Variants in HERC2 observed in about 807,000 individuals in gnomAD.
HERC2 encodes E3 ubiquitin-protein ligase HERC2.
In HERC2, 102 loss-of-function variants were observed where a neutral mutation model predicts 537.7. That is an observed-to-expected ratio of 0.19 (90% CI 0.16 to 0.22). The LOEUF (loss-of-function observed/expected upper bound fraction) is 0.22, where lower values mean the gene tolerates loss of function less well. Among genes scored for constraint, HERC2 ranks in the 10% least tolerant of loss-of-function variants. The pLI is 1.00. For missense variants in HERC2, 4,236 were observed against 6,198.2 expected, an observed-to-expected ratio of 0.68 and a Z score of 10.63; for synonymous variants, 2,224 against 2,466.2, an observed-to-expected ratio of 0.90 and a Z score of 2.91.
Position 28,122,596 on chromosome 15 carries a change from A to G in HERC2, c.13189-1167T>C, listed in dbSNP as rs1212688457. On this transcript the variant is annotated intron_variant, in intron 85 of 92. Transcript: ENST00000261609. This position sits in a 1 kb window ranked among gnomAD's most constrained non-coding sequence, Gnocchi z 4.1. ...CTCAGGGCGGCTCCCCCTCCACAGG[A>G]GCACTCCCCTCTCCTCCCAGTCACC... Among the ~76,000 whole-genome samples the G allele has an allele frequency of 6.6e-6, 1 of 151,994 alleles. No individual in the cohort carries two copies. The highest frequency in any genetic ancestry group is 1.5e-5 in the Non-Finnish European group (1 of 67,968).
chr15:28,167,486 G>C (rs1450488879), intron 68 of HERC2, among the ~76,000 whole-genome samples: 2 of 152,162 alleles, frequency 1.3e-5, no homozygotes, highest in African/African-American at 4.8e-5. Context: ...TGATACTCAA[G>C]GAATACACGT....
chr15:28,243,398 C>T (rs1008963994), intron 23 of HERC2, among the ~76,000 whole-genome samples: 81 of 152,232 alleles, frequency 5.3e-4, no homozygotes, highest in African/African-American at 1.6e-3. Context: ...CTGGATTTCA[C>T]GAATATTACT....
rs570911350 is a variant in HERC2 at position 28,157,584 on chromosome 15, G to A, written c.10747-4754C>T. Among the ~76,000 whole-genome samples the A allele has an allele frequency of 6.6e-5, 10 of 152,252 alleles. No homozygotes were observed. The South Asian group carries it at 1.9e-3, about 28-fold the overall frequency. On this transcript the variant is annotated intron_variant, in intron 69 of 92. Transcript: ENST00000261609. ...TAGTTTGTACTTCTATGGAATCAGT[G>A]GTGATATCCCCTTTATCATTTTTTA...
At chr15:28,253,179 A>ACTGC (rs60188219) in intron 20 of HERC2, among the ~76,000 whole-genome samples, 3 of 151,944 alleles carry the variant, frequency 2.0e-5, no homozygotes, top group Non-Finnish European at 4.4e-5. Flanking sequence ...TTTACACAAC[A>ACTGC]CTGACCGTTT....
At chr15:28,206,822 G>C (rs1439901105) in intron 44 of HERC2, among the ~76,000 whole-genome samples, 1 of 100,538 alleles carries the variant, frequency 9.9e-6, no homozygotes, top group African/African-American at 3.9e-5. Context: ...GACAGACCAA[G>C]ACTCGGTCTC....
chr15:28,154,445 TC>T (rs530542657), intron 69 of HERC2, among the ~76,000 whole-genome samples: 29 of 152,312 alleles, frequency 1.9e-4, no homozygotes, highest in African/African-American at 6.5e-4. Context: ...GTATCCTTAT[TC>T]TTGTCTCTCC....
At chr15:28,249,885 G>A (rs542765377) in intron 20 of HERC2, among the ~76,000 whole-genome samples, 32 of 148,554 alleles carry the variant, frequency 2.2e-4, no homozygotes, top group African/African-American at 3.2e-4. Flanking sequence ...TCGATTTCCC[G>A]ACCTCGTGAT....
rs754408388 is a variant in HERC2 at position 28,213,992 on chromosome 15, G to A, written c.6556-20C>T. 3.7e-6 allele frequency: 6 copies of A among 1,610,776 alleles called. No homozygotes were observed. The highest frequency in any genetic ancestry group is 1.7e-5 in the Admixed American group (1 of 59,990). On this transcript the variant is annotated intron_variant, in intron 41 of 92. Transcript: ENST00000261609. Reference sequence around the variant, plus strand: ...CTGGGCCTAGTGCAGACCAAACAGCGAGCTCGACAGAGACACTCACGGAGC... The same window carrying A: ...CTGGGCCTAGTGCAGACCAAACAGCAAGCTCGACAGAGACACTCACGGAGC...
At position 28,186,770 on chromosome 15, in the gene HERC2, G is replaced by C. The variant is rs757052254; in HGVS notation, c.8650-18C>G. The C allele has an allele frequency of 9.4e-6, 15 of 1,592,064 alleles. No individual in the cohort carries two copies. Among genetic ancestry groups the C allele is most frequent in the Admixed American group, 3.3e-5 (2 of 59,946 alleles). ...CTGTGATACTAGACACAAAAACCAT[G>C]ATCTATAGACTCTGTAGAATCAAGC... On this transcript the variant is annotated intron_variant, in intron 55 of 92. Coordinates refer to ENST00000261609, the MANE Select transcript of HERC2 (RefSeq NM_004667.6).
At position 28,132,175 on chromosome 15, in the gene HERC2, A is replaced by T. The variant is rs576159283; in HGVS notation, c.12495T>A (p.Thr4165=). ...AQTLCLTDDD[T]VWSWGDGDYG... ...AGTCCCCGTCCCCCCAGGACCAGAC[A>T]GTGTCGTCATCTGTGAGGCAGAGGG... Residue 4165 remains threonine, a synonymous_variant, in exon 81 of 93, where the codon ACT becomes ACA. Transcript: ENST00000261609. 4 of 1,614,026 alleles carry T rather than the reference A, an allele frequency of 2.5e-6. No individual in the cohort carries two copies. In the South Asian group the frequency reaches 4.4e-5, roughly 18 times the overall value.
chr15:28,283,057 A>C (rs1475465692), intron 4 of HERC2, among the ~76,000 whole-genome samples: 2 of 143,872 alleles, frequency 1.4e-5, no homozygotes, highest in African/African-American at 5.6e-5. Flanking sequence ...AAAAAAAAAA[A>C]AACCAGTCTT....
intron 26 of HERC2, among the ~76,000 whole-genome samples, chr15:28,236,342 G>A (rs1440031682): frequency 1.3e-5 from 2 of 152,100 alleles, no homozygotes; most frequent in Non-Finnish European, 2.9e-5. Flanking sequence ...CAAGGCTGGA[G>A]TGCAGTGGCG....
intron 23 of HERC2, among the ~76,000 whole-genome samples, chr15:28,243,794 C>A (rs1053096622): frequency 2.0e-5 from 3 of 152,154 alleles, no homozygotes; most frequent in African/African-American, 7.2e-5. Flanking sequence ...AGTAGCAGCA[C>A]AATCACCGTG....
intron 65 of HERC2, among the ~76,000 whole-genome samples, chr15:28,172,451 A>G (rs934707917): frequency 6.6e-6 from 1 of 152,226 alleles, no homozygotes; most frequent in African/African-American, 2.4e-5. Context: ...AACAGTACTG[A>G]GAGTCCAGAA....
intron 89 of HERC2, 107 bp from the exon 90 acceptor site, chr15:28,114,909 A>G: frequency 1.1e-6 from 1 of 886,358 alleles, no homozygotes; most frequent in Non-Finnish European, 1.8e-6. Flanking sequence ...GGTCAGCCTC[A>G]AGTGCATCTC....
At chr15:28,154,832 T>C (rs1892821140) in intron 69 of HERC2, among the ~76,000 whole-genome samples, 1 of 152,136 alleles carries the variant, frequency 6.6e-6, no homozygotes, top group Non-Finnish European at 1.5e-5. Context: ...TTGTTACATA[T>C]GTACACATGT....
At chr15:28,287,602 C>A (rs967486527) in intron 4 of HERC2, among the ~76,000 whole-genome samples, 2 of 152,098 alleles carry the variant, frequency 1.3e-5, no homozygotes, top group Admixed American at 1.3e-4. Flanking sequence ...TTGTGCCAGG[C>A]ACTGACTTAG....
rs545465333 is a variant in HERC2 at position 28,130,513 on chromosome 15, C to T, written c.12652G>A (p.Val4218Ile). The change falls in exon 82 of 93, where the codon GTT becomes ATT. Residue 4218 changes from valine (V) to isoleucine (I), a missense_variant. Physicochemically the swap from Val to Ile is conservative, Grantham distance 29 (BLOSUM62 3). Coordinates refer to ENST00000261609, the MANE Select transcript of HERC2 (RefSeq NM_004667.6). Reference sequence around the variant, plus strand: ...CAGAATCTTGCGTACCAGGTATAAACAGCTCCAGATTTGGTAAGGGCAACA... The same window carrying T: ...CAGAATCTTGCGTACCAGGTATAAATAGCTCCAGATTTGGTAAGGGCAACA... ...FSVALTKSGA[V>I]YTWGKGDYHR... 2.1e-5 allele frequency: 34 copies of T among 1,613,850 alleles called. 1 individual carries two copies. In the South Asian group the frequency reaches 3.6e-4, roughly 17 times the overall value.
intron 70 of HERC2, among the ~76,000 whole-genome samples, chr15:28,152,157 G>A (rs1349566055): frequency 6.6e-6 from 1 of 152,222 alleles, no homozygotes; most frequent in Non-Finnish European, 1.5e-5. Flanking sequence ...GCAGAAGGAC[G>A]GGCCTGAGGA....
Sources: allele counts gnomAD v4.1 joint callset (sites outside exome capture counted in the v4.1 genomes callset), GRCh38; gene constraint gnomAD v4.1.1; non-coding constraint Gnocchi (gnomAD v3.1); transcripts MANE v1.5; gene names NCBI Gene and HGNC (gene_info 2026-07-23, HGNC 2026-07-21).